ANAPC11: variants seen among roughly 807,000 people sequenced by gnomAD.
ANAPC11 encodes anaphase-promoting complex subunit 11.
In ANAPC11, 5 loss-of-function variants were observed where a neutral mutation model predicts 11.8. The observed-to-expected ratio is 0.42, with a 90% CI of 0.22 to 0.89. ANAPC11 has a LOEUF of 0.89. Among genes scored for constraint, ANAPC11 ranks in the 40% least tolerant of loss-of-function variants. ANAPC11 has a pLI of 0.28. For missense variants in ANAPC11, 68 were observed against 112.9 expected (o/e 0.60, Z 1.80); for synonymous variants, 45 against 41.0 (o/e 1.10, Z -0.38).
chr17:81,894,441 C>G, intron 2 of ANAPC11, 26 bp from the exon 3 acceptor site: 1 of 1,427,892 alleles, frequency 7.0e-7, no homozygotes, highest in African/African-American at 1.4e-5. Context: ...TCAATTTAGC[C>G]AGTCGTCCTG....
At chr17:81,891,074 C>T (rs948123961), upstream of ANAPC11, 6 of 670,504 alleles carry the variant, frequency 8.9e-6, no homozygotes, top group African/African-American at 1.8e-5. Context: ...CCTCTCCTGC[C>T]ACGAGGCCCC....
Position 81,893,572 on chromosome 17 carries a change from G to C in ANAPC11, c.-54G>C, listed in dbSNP as rs1038183826. On this transcript the variant is annotated 5_prime_UTR_variant, in exon 2 of 4. Coordinates refer to ENST00000344877, the MANE Select transcript of ANAPC11 (RefSeq NM_001002248.3). ...TGTAGAGACGGAGTTTCGTCATGTT[G>C]GCCAGGCCCATTTGAGATCTTTGAA... 1 of 151,948 alleles carries C rather than the reference G, an allele frequency of 6.6e-6. No individual in the cohort carries two copies. The highest frequency in any genetic ancestry group is 2.4e-5 in the African/African-American group (1 of 41,344). The allele number at this position is 151,948 out of a possible 1,614,324, so 9.4% of individuals were successfully genotyped here. A position where few individuals can be genotyped will look rare whatever the true frequency, so the allele number is the denominator to read the frequency against.
chr17:81,890,911 C>A, upstream of ANAPC11: 1 of 1,568,160 alleles, frequency 6.4e-7, no homozygotes, highest in Non-Finnish European at 8.7e-7. Context: ...TTCCTCTTCC[C>A]GGCCTGAGAG....
At chr17:81,893,708 C>G (rs1166150182) in intron 2 of ANAPC11, 94 bp downstream of exon 2, 1 of 151,398 alleles carries the variant, frequency 6.6e-6, no homozygotes, top group Non-Finnish European at 1.5e-5. Context: ...AGAGTGTGCC[C>G]TTTCTCTAGA....
intron 3 of ANAPC11, chr17:81,898,835 G>A (rs555487721): frequency 7.8e-4 from 169 of 216,598 alleles, no homozygotes; most frequent in Admixed American, 4.5e-3. Flanking sequence ...ACCCCAGGCC[G>A]GCTTCGGGTG....
At chr17:81,894,351 C>T (rs1169642935) in intron 2 of ANAPC11, 116 bp from the exon 3 acceptor site, 2 of 480,282 alleles carry the variant, frequency 4.2e-6, no homozygotes, top group East Asian at 6.6e-5. Flanking sequence ...ATCTTCCTGC[C>T]TTGGCCCCCT....
chr17:81,899,473 G>C (rs768857475), intron 3 of ANAPC11: 2 of 1,614,008 alleles, frequency 1.2e-6, no homozygotes, highest in Admixed American at 1.7e-5. Context: ...TCTCCTTGGT[G>C]CCTTGACCAT....
chr17:81,891,295 C>G (rs2039523984), upstream of ANAPC11: 1 of 1,128,178 alleles, frequency 8.9e-7, no homozygotes, highest in African/African-American at 1.7e-5. Flanking sequence ...CCCTCCCACT[C>G]TCCGGCGCGG....
At chr17:81,895,754 G>A (rs1157998831) in intron 3 of ANAPC11, among the ~76,000 whole-genome samples, 1 of 152,208 alleles carries the variant, frequency 6.6e-6, no homozygotes, top group South Asian at 2.1e-4. Flanking sequence ...TGGATCTCAA[G>A]GTCAGGAGAT....
Position 81,894,464 on chromosome 17 carries a change from C to T in ANAPC11, c.-11-3C>T, listed in dbSNP as rs2039664133. 1.9e-6 allele frequency: 3 copies of T among 1,595,646 alleles called. No homozygotes were observed. Among genetic ancestry groups the T allele is most frequent in the Non-Finnish European group, 2.6e-6 (3 of 1,164,512 alleles). On this transcript the variant is annotated splice_region_variant and splice_polypyrimidine_tract_variant and intron_variant, in intron 2 of 3. Coordinates refer to ENST00000344877, the MANE Select transcript of ANAPC11 (RefSeq NM_001002248.3). ...GCCAGTCGTCCTGTTCCCTCCGCCGCAGGCTCTGCTGCCATGAAGGTGAAG... is the reference window on the plus strand; with the variant it reads ...GCCAGTCGTCCTGTTCCCTCCGCCGTAGGCTCTGCTGCCATGAAGGTGAAG...
At chr17:81,891,582 G>A (rs1052702910), upstream of ANAPC11, 52 of 1,427,294 alleles carry the variant, frequency 3.6e-5, no homozygotes, top group African/African-American at 2.1e-4. Context: ...ATCGGGCATC[G>A]GCTCGAGCCC....
Position 81,900,220 on chromosome 17 carries a change from C to A in ANAPC11, c.*155C>A. 8.1e-7 allele frequency: 1 copy of A among 1,235,346 alleles called. No individual in the cohort carries two copies. The highest frequency in any genetic ancestry group is 1.1e-6 in the Non-Finnish European group (1 of 895,436). 76.5% of individuals were successfully genotyped at this position (1,235,346 alleles called of 1,614,324 possible). ...CCATCACTATGTTGACACTTTTATC[C>A]AATAAGTGAAAACTCATTAAACTAC... On this transcript the variant is annotated 3_prime_UTR_variant, in exon 4 of 4. Transcript: ENST00000344877.
intron 3 of ANAPC11, among the ~76,000 whole-genome samples, chr17:81,897,043 A>T (rs143332165): frequency 0.011 from 1,743 of 152,104 alleles, 32 homozygotes; most frequent in African/African-American, 0.04. Flanking sequence ...CTCTGTCACC[A>T]GGGCTGGAGT....
At chr17:81,896,619 C>G (rs1359240036) in intron 3 of ANAPC11, among the ~76,000 whole-genome samples, 5 of 151,872 alleles carry the variant, frequency 3.3e-5, no homozygotes, top group Non-Finnish European at 1.5e-5. Context: ...TGGGGAGGAC[C>G]GAGAAGCTAC....
At chr17:81,891,591 C>T, upstream of ANAPC11, 2 of 1,408,822 alleles carry the variant, frequency 1.4e-6, no homozygotes, top group Non-Finnish European at 1.9e-6. Context: ...CGGCTCGAGC[C>T]CGCGCGTCAG....
At chr17:81,897,382 C>T (rs1317453030) in intron 3 of ANAPC11, among the ~76,000 whole-genome samples, 3 of 152,220 alleles carry the variant, frequency 2.0e-5, no homozygotes. Context: ...GATCCGTCCA[C>T]CTCGGCCTCC....
intron 1 of ANAPC11, chr17:81,892,985 G>T (rs2039600176): frequency 6.6e-6 from 1 of 150,896 alleles, no homozygotes; most frequent in Non-Finnish European, 1.5e-5. Context: ...AGCCTCTCAG[G>T]CAGCTGGTGC....
intron 3 of ANAPC11, chr17:81,899,220 C>A (rs771963363): frequency 2.5e-6 from 4 of 1,606,136 alleles, no homozygotes; most frequent in Non-Finnish European, 3.4e-6. Flanking sequence ...ATGGCTGATA[C>A]AAGCATCCCT....
At chr17:81,891,428 G>A (rs1358351069), upstream of ANAPC11, 39 of 1,015,560 alleles carry the variant, frequency 3.8e-5, no homozygotes, top group Non-Finnish European at 4.2e-5. Context: ...CTCGCGCGGC[G>A]GCCTGCGCCC....
Sources: gnomAD v4.1 joint callset for allele counts (sites outside exome capture counted in the v4.1 genomes callset) on GRCh38, gnomAD v4.1.1 for gene constraint, MANE v1.5 for transcripts, NCBI Gene and HGNC (gene_info 2026-07-23, HGNC 2026-07-21) for gene names.